TNPO3: variants seen among roughly 807,000 people sequenced by gnomAD.
TNPO3 encodes transportin-3.
TNPO3 carries 65 observed loss-of-function variants against 122.8 expected under a neutral mutation model. That is an observed-to-expected ratio of 0.53 (90% CI 0.43 to 0.65). TNPO3 has a LOEUF of 0.65. TNPO3 is among the 30% of genes least tolerant of loss of function. The pLI is 0.00. For missense variants in TNPO3, 850 were observed against 1,136.7 expected (o/e 0.75, Z 3.63); for synonymous variants, 372 against 411.2 (o/e 0.90, Z 1.15).
At chr7:128,960,028 C>T (rs575395192) in intron 21 of TNPO3, among the ~76,000 whole-genome samples, 22 of 152,018 alleles carry the variant, frequency 1.4e-4, no homozygotes, top group Admixed American at 3.3e-4. Context: ...CTCAAAAAAA[C>T]GAAAAAGCTC....
chr7:128,980,183 C>T lies in TNPO3; in HGVS notation c.1860-152G>A, dbSNP rs1233126339. On this transcript the variant is annotated intron_variant, in intron 14 of 22. Coordinates refer to ENST00000265388, the MANE Select transcript of TNPO3 (RefSeq NM_012470.4). ...TTTACTTACATCACCTTTATAAGCA[C>T]ATCCTTTAAATCATCCTATCATTTT... is the stretch of plus-strand genomic sequence containing the variant. 9.8e-6 allele frequency: 7 copies of T among 717,664 alleles called. No individual in the cohort carries two copies. The African/African-American group carries it at 1.2e-4, about 13-fold the overall frequency. The allele number at this position is 717,664 out of a possible 1,614,324, so 44.5% of individuals were successfully genotyped here.
chr7:129,044,783 T>C (rs1019197712), intron 1 of TNPO3, among the ~76,000 whole-genome samples: 1 of 152,230 alleles, frequency 6.6e-6, no homozygotes. Context: ...TGGGAAACAG[T>C]ATGGCAGTTC....
intron 4 of TNPO3, among the ~76,000 whole-genome samples, chr7:129,005,844 CA>C (rs1802523478): frequency 6.7e-6 from 1 of 148,818 alleles, no homozygotes; most frequent in South Asian, 2.1e-4. Context: ...TGCAGTGCCA[CA>C]ATCTCGGCTC....
At chr7:128,997,271 T>C (rs1801433289) in intron 8 of TNPO3, 118 bp downstream of exon 8, 6 of 1,102,482 alleles carry the variant, frequency 5.4e-6, no homozygotes, top group Non-Finnish European at 7.7e-6. Flanking sequence ...AGTGCTGGAC[T>C]ACAGGCATGA....
chr7:129,054,557 C>G, intron 1 of TNPO3, 94 bp downstream of exon 1: 1 of 1,558,398 alleles, frequency 6.4e-7, no homozygotes, highest in Non-Finnish European at 8.7e-7. Context: ...GAGGACCTCA[C>G]GAGGTCAACT....
chr7:129,002,427 T>C (rs1453226346), intron 5 of TNPO3, among the ~76,000 whole-genome samples: 1 of 152,142 alleles, frequency 6.6e-6, no homozygotes, highest in African/African-American at 2.4e-5. Context: ...GAGAGTACAG[T>C]TGAGAGGTTG....
At chr7:129,003,039 C>CAAAAAAAAAAAAAAAAAAAAAAAAAAA (rs56226072) in intron 5 of TNPO3, among the ~76,000 whole-genome samples, 1 of 53,272 alleles carries the variant, frequency 1.9e-5, no homozygotes, top group Non-Finnish European at 3.0e-5. Context: ...GACTCCCTCT[C>CAAAAAAAAAAAAAAAAAAAAAAAAAAA]AAAAAAAAAA....
At chr7:128,975,001 AGAAAT>A in intron 17 of TNPO3, 39 bp from the exon 18 acceptor site, 1 of 1,541,534 alleles carries the variant, frequency 6.5e-7, no homozygotes, top group Non-Finnish European at 9.0e-7. Context: ...ATGCTTTTTC[AGAAAT>A]GCCACAGCAT....
chr7:128,989,140 C>T (rs1800488752), intron 11 of TNPO3, among the ~76,000 whole-genome samples: 1 of 152,050 alleles, frequency 6.6e-6, no homozygotes, highest in Non-Finnish European at 1.5e-5. Context: ...ACTTAGAAAG[C>T]AGCTCAGTGT....
chr7:128,993,940 T>C, intron 8 of TNPO3, 26 bp from the exon 9 acceptor site: 1 of 1,591,034 alleles, frequency 6.3e-7, no homozygotes. Flanking sequence ...AGATAACATC[T>C]GCTTTAAACT....
rs1263808419 is a variant in TNPO3 at position 129,026,349 on chromosome 7, G to A, written c.121-8192C>T. On this transcript the variant is annotated intron_variant, in intron 1 of 22. Coordinates refer to ENST00000265388, the MANE Select transcript of TNPO3 (RefSeq NM_012470.4). ...AAAACTGGTTAACTTGGAGGGTAGG[G>A]ATGCACAGGAGATTTATTTTTCAAG... 4.6e-5 allele frequency among the ~76,000 whole-genome samples: 7 copies of A among 151,422 alleles called. No individual in the cohort carries two copies. In the East Asian group the frequency reaches 1.4e-3, roughly 29 times the overall value.
intron 1 of TNPO3, among the ~76,000 whole-genome samples, chr7:129,031,248 G>A (rs187952083): frequency 1.1e-3 from 171 of 152,112 alleles, no homozygotes; most frequent in Non-Finnish European, 1.1e-3. Flanking sequence ...GCAGTGAGCC[G>A]AGATCATGCC....
chr7:129,045,626 C>T (rs1457187172), intron 1 of TNPO3, among the ~76,000 whole-genome samples: 2 of 151,290 alleles, frequency 1.3e-5, no homozygotes, highest in Non-Finnish European at 2.9e-5. Context: ...TAAAAGAATG[C>T]TGAAGAAATA....
rs555368657 is a variant in TNPO3, at chr7:129,037,702, G to C, written c.120+16949C>G. Among the ~76,000 whole-genome samples the C allele has an allele frequency of 4.6e-5, 7 of 152,224 alleles. No homozygotes were observed. The East Asian group carries it at 1.4e-3, about 29-fold the overall frequency. ...AACCCTTCCCTGAACAAAAGCCTTA[G>C]GCTACGGGGAGGGGGCAGCAAAGCA... is the stretch of plus-strand genomic sequence containing the variant. On this transcript the variant is annotated intron_variant, in intron 1 of 22. Coordinates refer to ENST00000265388, the MANE Select transcript of TNPO3 (RefSeq NM_012470.4).
intron 1 of TNPO3, 131 bp from the exon 2 acceptor site, chr7:129,018,288 C>T (rs951929952): frequency 4.6e-6 from 4 of 862,986 alleles, no homozygotes; most frequent in Non-Finnish European, 7.0e-6. Flanking sequence ...GCTAAATTAC[C>T]CAGTAATTCA....
intron 9 of TNPO3, among the ~76,000 whole-genome samples, chr7:128,993,390 A>C (rs1341535485): frequency 6.6e-6 from 1 of 152,232 alleles, no homozygotes; most frequent in African/African-American, 2.4e-5. Context: ...GAATCTAACC[A>C]TAAGTGTGGA....
intron 21 of TNPO3, among the ~76,000 whole-genome samples, chr7:128,960,347 A>T (rs909900417): frequency 9.9e-5 from 15 of 152,036 alleles, no homozygotes; most frequent in African/African-American, 3.1e-4. Context: ...AAAAAAAAAA[A>T]TTTACTGTAA....
Position 128,957,258 on chromosome 7 carries a change from T to G in TNPO3, c.2769A>C (p.Arg923=). ...AGGCACAGTGCAGGAGTGTGAGCTA[T>G]CGAAACAACCTGGTGAAGTCTCGCA... ...WALRDFTRLF[R] The change falls in exon 22 of 23, where the codon CGA becomes CGC. Residue 923 remains arginine, a synonymous_variant. Coordinates refer to ENST00000265388, the MANE Select transcript of TNPO3 (RefSeq NM_012470.4). 3 of 1,614,056 alleles carry G rather than the reference T, an allele frequency of 1.9e-6. No homozygotes were observed. Among genetic ancestry groups the G allele is most frequent in the Non-Finnish European group, 2.5e-6 (3 of 1,179,914 alleles).
At chr7:129,021,063 G>A (rs554048866) in intron 1 of TNPO3, among the ~76,000 whole-genome samples, 2 of 152,040 alleles carry the variant, frequency 1.3e-5, no homozygotes, top group South Asian at 4.1e-4. Context: ...AGTTGAAAAT[G>A]GAGGAGGTTT....
Sources: gnomAD v4.1 joint callset for allele counts (sites outside exome capture counted in the v4.1 genomes callset) on GRCh38, gnomAD v4.1.1 for gene constraint, MANE v1.5 for transcripts, NCBI Gene and HGNC (gene_info 2026-07-23, HGNC 2026-07-21) for gene names.